The following FAM107B variants were observed in gnomAD, a reference collection of about 807,000 sequenced individuals.
The protein encoded by FAM107B is family with sequence similarity 107 member B.
Under a neutral mutation model 31.5 loss-of-function variants are expected in FAM107B, and 21 were observed. That is an observed-to-expected ratio of 0.67 (90% CI 0.47 to 0.96). The LOEUF is 0.96. Among genes scored for constraint, FAM107B ranks in the 40% least tolerant of loss-of-function variants. The pLI is 0.00. For synonymous variants in FAM107B, 157 were observed against 141.5 expected (o/e 1.11, Z -0.78); for missense variants, 452 against 377.1 (o/e 1.20, Z -1.64).
intron 2 of FAM107B, among the ~76,000 whole-genome samples, chr10:14,572,821 T>A (rs1416301082): frequency 6.7e-6 from 1 of 148,728 alleles, no homozygotes; most frequent in Non-Finnish European, 1.5e-5. Context: ...TATATTAGAT[T>A]GGAAAAAAAC....
chr10:14,539,839 C>G (rs1847999771), intron 2 of FAM107B, among the ~76,000 whole-genome samples: 1 of 152,158 alleles, frequency 6.6e-6, no homozygotes, highest in South Asian at 2.1e-4. Context: ...AAGACACAAA[C>G]CCTGCACCCT....
At chr10:14,680,260 C>G (rs1462491471) in intron 1 of FAM107B, among the ~76,000 whole-genome samples, 1 of 152,034 alleles carries the variant, frequency 6.6e-6, no homozygotes, top group Admixed American at 6.6e-5. Flanking sequence ...AATCCAGAAC[C>G]TAATGAGGAG....
chr10:14,714,296 G>T (rs1043226652), intron 1 of FAM107B, among the ~76,000 whole-genome samples: 9 of 152,178 alleles, frequency 5.9e-5, no homozygotes, highest in African/African-American at 2.2e-4. Context: ...GGCCCCCAAG[G>T]CCATGTCCCT....
intron 2 of FAM107B, among the ~76,000 whole-genome samples, chr10:14,637,842 A>G (rs952322127): frequency 3.3e-5 from 5 of 152,088 alleles, no homozygotes; most frequent in Non-Finnish European, 7.4e-5. Flanking sequence ...GAAGCTTTCA[A>G]TCTTACCTAC....
chr10:14,675,564 C>T (rs191809108), intron 1 of FAM107B, among the ~76,000 whole-genome samples: 2 of 152,212 alleles, frequency 1.3e-5, no homozygotes, highest in East Asian at 1.9e-4. Flanking sequence ...AAATGGGTCC[C>T]AAAGGAGACC....
At chr10:14,661,340 T>C (rs1854233041) in intron 2 of FAM107B, among the ~76,000 whole-genome samples, 1 of 152,228 alleles carries the variant, frequency 6.6e-6, no homozygotes, top group South Asian at 2.1e-4. Flanking sequence ...AGACAGTGTG[T>C]CCAGATGAGT....
At position 14,710,362 on chromosome 10, in the gene FAM107B, G is replaced by T. The variant is rs1056372663; in HGVS notation, c.412-42671C>A. ...GGAGGTTGAGGCTACTGTGAGCTAC[G>T]ATTGCACCACTATACTCCAGCATGG... On this transcript the variant is annotated intron_variant, in intron 1 of 4. Coordinates refer to ENST00000181796, the MANE Select transcript of FAM107B (RefSeq NM_031453.4). Among the ~76,000 whole-genome samples the T allele has an allele frequency of 2.0e-5, 3 of 151,644 alleles. No individual in the cohort carries two copies. The East Asian group carries it at 5.8e-4, about 29-fold the overall frequency.
chr10:14,642,158 G>GT (rs1853644330), intron 2 of FAM107B, among the ~76,000 whole-genome samples: 1 of 152,208 alleles, frequency 6.6e-6, no homozygotes, highest in African/African-American at 2.4e-5. Context: ...AACCTAGCAA[G>GT]GCAAATCCTA....
chr10:14,634,057 G>A (rs1853434849), intron 2 of FAM107B, among the ~76,000 whole-genome samples: 1 of 152,120 alleles, frequency 6.6e-6, no homozygotes, highest in Admixed American at 6.5e-5. Flanking sequence ...ATTGAGTTAT[G>A]CTTTTAAGAC....
intron 1 of FAM107B, among the ~76,000 whole-genome samples, chr10:14,691,121 G>C (rs892914524): frequency 6.6e-6 from 1 of 151,220 alleles, no homozygotes; most frequent in African/African-American, 2.4e-5. Context: ...CTGCAGCCTC[G>C]ACCTCCTGGG....
At chr10:14,665,439 G>A (rs1289860950) in intron 2 of FAM107B, among the ~76,000 whole-genome samples, 2 of 152,208 alleles carry the variant, frequency 1.3e-5, no homozygotes, top group African/African-American at 4.8e-5. Flanking sequence ...GAGTAATGAT[G>A]TCCTCCCAAC....
In FAM107B at chr10:14,718,727, CTATT is replaced by C. The variant is rs1450028223; in HGVS notation, c.412-51040_412-51037del. 9.8e-5 allele frequency among the ~76,000 whole-genome samples: 15 copies of C among 152,296 alleles called. No individual in the cohort carries two copies. The East Asian group carries it at 2.7e-3, about 27-fold the overall frequency. ...ACACTTCCAAAGAAGAAATGTATCT[CTATT>C]TATAATCTGCCTGGCCTTTGTGAAA... On this transcript the variant is annotated intron_variant, in intron 1 of 4. Transcript: ENST00000181796.
intron 3 of FAM107B, among the ~76,000 whole-genome samples, chr10:14,526,365 G>A (rs768655457): frequency 6.6e-6 from 1 of 152,156 alleles, no homozygotes; most frequent in Non-Finnish European, 1.5e-5. Context: ...TAGTAGAGAT[G>A]GGGTTGCGCC....
intron 2 of FAM107B, 124 bp from the exon 3 acceptor site, chr10:14,530,639 G>A: frequency 2.4e-6 from 2 of 849,908 alleles, no homozygotes; most frequent in South Asian, 1.8e-5. Flanking sequence ...TCCACTCTGG[G>A]GCATCGCTGA....
intron 1 of FAM107B, among the ~76,000 whole-genome samples, chr10:14,730,077 T>C (rs1332497055): frequency 6.6e-6 from 1 of 152,058 alleles, no homozygotes; most frequent in Non-Finnish European, 1.5e-5. Flanking sequence ...TTAGGACAAA[T>C]ACCTAATGTA....
intron 2 of FAM107B, among the ~76,000 whole-genome samples, chr10:14,636,258 TATA>T (rs1853495805): frequency 8.0e-6 from 1 of 125,376 alleles, no homozygotes; most frequent in Admixed American, 8.4e-5. Flanking sequence ...GTGTGACTCT[TATA>T]AAAAGGAGCC....
intron 1 of FAM107B, among the ~76,000 whole-genome samples, chr10:14,749,789 G>A (rs913740917): frequency 6.6e-6 from 1 of 152,196 alleles, no homozygotes; most frequent in African/African-American, 2.4e-5. Flanking sequence ...CATGTCTTTT[G>A]AGAAAAGGCA....
chr10:14,724,207 G>A (rs1044785957), intron 1 of FAM107B, among the ~76,000 whole-genome samples: 1 of 152,130 alleles, frequency 6.6e-6, no homozygotes, highest in Non-Finnish European at 1.5e-5. Flanking sequence ...TTATATTTAG[G>A]TCTTCTTTTG....
At chr10:14,698,023 G>A (rs1431126997) in intron 1 of FAM107B, among the ~76,000 whole-genome samples, 1 of 152,000 alleles carries the variant, frequency 6.6e-6, no homozygotes, top group Non-Finnish European at 1.5e-5. Context: ...TACTCAGGAG[G>A]CTGACGCACA....
Sources: allele counts gnomAD v4.1 joint callset (sites outside exome capture counted in the v4.1 genomes callset), GRCh38; gene constraint gnomAD v4.1.1; transcripts MANE v1.5; gene names NCBI Gene and HGNC (gene_info 2026-07-23, HGNC 2026-07-21).